The following LARP1B variants were observed in gnomAD, a reference collection of about 807,000 sequenced individuals.
The protein encoded by LARP1B is la-related protein 1B.
LARP1B carries 76 observed loss-of-function variants against 114.2 expected under a neutral mutation model. That is an observed-to-expected ratio of 0.67 (90% CI 0.55 to 0.81). LARP1B has a LOEUF of 0.81. Ranked by LOEUF, LARP1B falls within the 30% of genes least tolerant of loss-of-function variation. The pLI, the probability that LARP1B is intolerant of heterozygous loss-of-function variation, is 0.00. For synonymous variants in LARP1B, 345 were observed against 348.0 expected (o/e 0.99, Z 0.10); for missense variants, 1,014 against 1,075.8 (o/e 0.94, Z 0.80).
intron 12 of LARP1B, among the ~76,000 whole-genome samples, chr4:128,170,867 C>CTTTTTTTTTTTTT (rs1211999090): frequency 1.0e-5 from 1 of 99,938 alleles, no homozygotes; most frequent in Non-Finnish European, 2.1e-5. Flanking sequence ...TTTTCTTTTT[C>CTTTTTTTTTTTTT]TTTTCTTTTT....
intron 5 of LARP1B, among the ~76,000 whole-genome samples, chr4:128,086,657 T>C (rs966152354): frequency 6.6e-6 from 1 of 152,150 alleles, no homozygotes; most frequent in South Asian, 2.1e-4. Flanking sequence ...CTTTTCTTTT[T>C]ATAACTGGCA....
intron 5 of LARP1B, among the ~76,000 whole-genome samples, chr4:128,083,821 C>T (rs373342471): frequency 0.5 from 69,698 of 138,418 alleles, 13,095 homozygotes; most frequent in Middle Eastern, 0.62. Flanking sequence ...ACCTCCCTCC[C>T]GGACGGGGCG....
At chr4:128,188,166 C>T (rs1306394350) in intron 15 of LARP1B, among the ~76,000 whole-genome samples, 3 of 151,976 alleles carry the variant, frequency 2.0e-5, no homozygotes, top group Non-Finnish European at 4.4e-5. Context: ...CCTCCGCCTC[C>T]CGGGTTCAAG....
chr4:128,154,146 G>A (rs938605216), intron 11 of LARP1B, among the ~76,000 whole-genome samples: 2 of 152,062 alleles, frequency 1.3e-5, no homozygotes, highest in African/African-American at 4.8e-5. Flanking sequence ...AGTCCAAGAA[G>A]CAGTTCTTGA....
intron 11 of LARP1B, among the ~76,000 whole-genome samples, chr4:128,130,786 T>G (rs1331275172): frequency 6.6e-6 from 1 of 152,210 alleles, no homozygotes; most frequent in Non-Finnish European, 1.5e-5. Flanking sequence ...AAGGTGTCTT[T>G]GAATAGGTGG....
At chr4:128,181,539 A>C (rs889122184) in intron 15 of LARP1B, among the ~76,000 whole-genome samples, 1 of 152,124 alleles carries the variant, frequency 6.6e-6, no homozygotes, top group East Asian at 1.9e-4. Flanking sequence ...TTGAGTTTTT[A>C]TAATGATCCT....
chr4:128,069,020 G>T, intron 1 of LARP1B: 1 of 862,508 alleles, frequency 1.2e-6, no homozygotes, highest in South Asian at 1.7e-5. Context: ...TATATTGGCT[G>T]TAACGGTGGA....
chr4:128,180,465 A>G (rs1454079030), intron 15 of LARP1B, among the ~76,000 whole-genome samples: 1 of 152,170 alleles, frequency 6.6e-6, no homozygotes, highest in Non-Finnish European at 1.5e-5. Flanking sequence ...TGATTATTTT[A>G]CATTGTTCTT....
At chr4:128,153,219 C>G (rs1417237723) in intron 11 of LARP1B, among the ~76,000 whole-genome samples, 1 of 151,380 alleles carries the variant, frequency 6.6e-6, no homozygotes, top group African/African-American at 2.4e-5. Context: ...CTGACCTCAG[C>G]TGATCCGCCT....
At chr4:128,073,572 G>GGTTTTTTTTTTTTTTTTTTTTTTTTTT (rs1766384506) in intron 1 of LARP1B, among the ~76,000 whole-genome samples, 2 of 39,996 alleles carry the variant, frequency 5.0e-5, no homozygotes, top group Non-Finnish European at 1.0e-4. Flanking sequence ...TATTGTTGTC[G>GGTTTTTTTTTTTTTTTTTTTTTTTTTT]TTTTTTTTTT....
rs190836731 is a variant in LARP1B, at chr4:128,157,348, T to G, written c.1525-4846T>G. Among the ~76,000 whole-genome samples the G allele has an allele frequency of 2.9e-3, 436 of 151,756 alleles. 2 individuals carry two copies. The highest frequency in any genetic ancestry group is 4.2e-3 in the Non-Finnish European group (287 of 67,908). On this transcript the variant is annotated intron_variant, in intron 11 of 19. Transcript: ENST00000326639. ...AAGCATTGAGCAAAAAGATGGAAAA[T>G]ACAGAAAAGGGTGTAAGAGACATAG... is the stretch of plus-strand genomic sequence containing the variant.
intron 17 of LARP1B, among the ~76,000 whole-genome samples, chr4:128,205,418 C>T (rs1464493755): frequency 2.0e-5 from 3 of 152,192 alleles, no homozygotes; most frequent in Admixed American, 6.5e-5. Flanking sequence ...GTTTCACTCT[C>T]ATGGGTTCTG....
At chr4:128,069,623 C>T (rs1764416466) in intron 1 of LARP1B, 1 of 652,402 alleles carries the variant, frequency 1.5e-6, no homozygotes, top group South Asian at 1.7e-5. Context: ...CTTGGCTTAC[C>T]TGATGGCTGC....
intron 6 of LARP1B, among the ~76,000 whole-genome samples, chr4:128,218,668 G>A (rs1461153156): frequency 1.2e-5 from 1 of 82,462 alleles, no homozygotes; most frequent in African/African-American, 4.7e-5. Context: ...AGATTTAAAC[G>A]TTAGACCTAA....
chr4:128,138,783 T>A (rs1347748780), intron 11 of LARP1B, among the ~76,000 whole-genome samples: 1 of 151,862 alleles, frequency 6.6e-6, no homozygotes, highest in African/African-American at 2.4e-5. Context: ...CGTGGTGAAA[T>A]CCTATCTCTA....
chr4:128,207,301 C>T lies in LARP1B; in HGVS notation c.2465C>T (p.Ser822Phe), dbSNP rs752263112. 1.9e-6 allele frequency: 3 copies of T among 1,538,570 alleles called. No homozygotes were observed. Among genetic ancestry groups the T allele is most frequent in the Non-Finnish European group, 8.8e-7 (1 of 1,137,438 alleles). Residue 822 changes from serine (S) to phenylalanine (F), a missense_variant, in exon 19 of 20, where the codon TCT becomes TTT. Coordinates refer to ENST00000326639, the MANE Select transcript of LARP1B (RefSeq NM_018078.4). ...LEKFWAYLKY[S>F]QSKTQSIDPK... ...AAGTTTTGGGCTTATTTGAAATATT[C>T]TCAATCTAAGACACAGTCTATTGAC...
At chr4:128,176,165 ATAT>A (rs1394480175) in intron 12 of LARP1B, among the ~76,000 whole-genome samples, 2 of 134,324 alleles carry the variant, frequency 1.5e-5, no homozygotes, top group African/African-American at 5.1e-5. Context: ...ATATAAATAT[ATAT>A]ATTATATATA....
intron 15 of LARP1B, among the ~76,000 whole-genome samples, chr4:128,194,682 C>CAAAA (rs56843140): frequency 3.9e-5 from 1 of 25,906 alleles, no homozygotes; most frequent in Non-Finnish European, 6.1e-5. Context: ...GACTCTGTCT[C>CAAAA]AAAAAAAAAA....
chr4:128,149,928 G>A (rs910497662), intron 11 of LARP1B, among the ~76,000 whole-genome samples: 3 of 152,140 alleles, frequency 2.0e-5, no homozygotes, highest in African/African-American at 7.2e-5. Context: ...AGAGGCAGGC[G>A]GATTACAAAG....
Sources: gnomAD v4.1 joint callset for allele counts (sites outside exome capture counted in the v4.1 genomes callset) on GRCh38, gnomAD v4.1.1 for gene constraint, MANE v1.5 for transcripts, NCBI Gene and HGNC (gene_info 2026-07-23, HGNC 2026-07-21) for gene names.